Variants in CYP7B1 observed in about 807,000 individuals in gnomAD.
The protein encoded by CYP7B1 is cytochrome P450 family 7 subfamily B member 1.
In CYP7B1, 29 loss-of-function variants were observed where a neutral mutation model predicts 42.7. The observed-to-expected ratio is 0.68, with a 90% CI of 0.51 to 0.93. The LOEUF is 0.93. Ranked by LOEUF, CYP7B1 falls within the 40% of genes least tolerant of loss-of-function variation. The probability of loss-of-function intolerance (pLI) is 0.00; values close to 1 mark genes in which losing one functional copy is unlikely to be tolerated. For missense variants in CYP7B1, 655 were observed against 600.5 expected (o/e 1.09, Z -0.95); for synonymous variants, 235 against 218.2 (o/e 1.08, Z -0.68).
chr8:64,712,683 C>A (rs891131019), intron 1 of CYP7B1, among the ~76,000 whole-genome samples: 2 of 150,512 alleles, frequency 1.3e-5, no homozygotes, highest in Non-Finnish European at 3.0e-5. Flanking sequence ...TATATATTTT[C>A]TCCTCATTTT....
Position 64,596,896 on chromosome 8 carries a change from T to C in CYP7B1, c.1267A>G (p.Lys423Glu). The C allele has an allele frequency of 6.2e-7, 1 of 1,612,872 alleles. No individual in the cohort carries two copies. The highest frequency in any genetic ancestry group is 8.5e-7 in the Non-Finnish European group (1 of 1,179,072). ...FRYDRFIEDG[K>E]KKTTFFKRGK... ...CTTTTGAAAAAGGTGGTTTTCTTCT[T>C]ACCATCTTCTATAAAACGATCATAT... is the stretch of plus-strand genomic sequence containing the variant. The change falls in exon 6 of 6, where the codon AAG (lysine) becomes GAG (glutamate). Residue 423 changes from lysine (K) to glutamate (E), a missense_variant. Coordinates refer to ENST00000310193, the MANE Select transcript of CYP7B1 (RefSeq NM_004820.5).
chr8:64,775,776 C>A (rs1255403636), intron 1 of CYP7B1, among the ~76,000 whole-genome samples: 1 of 151,940 alleles, frequency 6.6e-6, no homozygotes, highest in East Asian at 1.9e-4. Context: ...AAGAAGGGTA[C>A]CATCATGAAG....
chr8:64,766,763 C>T (rs897542636), intron 1 of CYP7B1, among the ~76,000 whole-genome samples: 8 of 152,184 alleles, frequency 5.3e-5, no homozygotes, highest in African/African-American at 1.9e-4. Flanking sequence ...GAGTCAGAAG[C>T]CACTAACCAG....
At chr8:64,666,020 A>C (rs534159457) in intron 1 of CYP7B1, among the ~76,000 whole-genome samples, 2 of 152,348 alleles carry the variant, frequency 1.3e-5, no homozygotes, top group Admixed American at 1.3e-4. Context: ...TACTTTATAA[A>C]TGCATGCACT....
intron 1 of CYP7B1, among the ~76,000 whole-genome samples, chr8:64,684,085 C>T (rs1019674515): frequency 3.9e-5 from 6 of 152,188 alleles, no homozygotes; most frequent in Admixed American, 2.6e-4. Context: ...TGATCTGTCT[C>T]GTCCATTAGA....
At chr8:64,735,201 T>C (rs1454855665) in intron 1 of CYP7B1, among the ~76,000 whole-genome samples, 2 of 152,158 alleles carry the variant, frequency 1.3e-5, no homozygotes, top group African/African-American at 2.4e-5. Context: ...TATACAATAT[T>C]TTTTCTAAAA....
intron 1 of CYP7B1, among the ~76,000 whole-genome samples, chr8:64,663,123 G>A (rs1184907946): frequency 6.6e-6 from 1 of 152,054 alleles, no homozygotes; most frequent in Non-Finnish European, 1.5e-5. Flanking sequence ...ATGAACCTTT[G>A]TTTGATCTTC....
intron 1 of CYP7B1, chr8:64,727,901 A>C (rs1352619059): frequency 6.6e-6 from 1 of 152,224 alleles, no homozygotes; most frequent in African/African-American, 2.4e-5. Flanking sequence ...AATATACCTG[A>C]ATATTCAACA....
chr8:64,752,697 T>C (rs1196711468), intron 1 of CYP7B1, among the ~76,000 whole-genome samples: 1 of 152,232 alleles, frequency 6.6e-6, no homozygotes, highest in African/African-American at 2.4e-5. Flanking sequence ...TTTCTACATA[T>C]GTAAGTCTAT....
chr8:64,679,812 A>G (rs1171340245), intron 1 of CYP7B1, among the ~76,000 whole-genome samples: 1 of 152,246 alleles, frequency 6.6e-6, no homozygotes, highest in Non-Finnish European at 1.5e-5. Context: ...TGAAACCATC[A>G]TAACAATTAA....
intron 1 of CYP7B1, among the ~76,000 whole-genome samples, chr8:64,684,632 G>A (rs967526945): frequency 6.6e-6 from 1 of 152,210 alleles, no homozygotes; most frequent in Non-Finnish European, 1.5e-5. Context: ...CAAAGATGAT[G>A]TCACTCAAAT....
intron 1 of CYP7B1, among the ~76,000 whole-genome samples, chr8:64,631,340 C>T (rs1419474884): frequency 6.6e-6 from 1 of 152,068 alleles, no homozygotes; most frequent in Non-Finnish European, 1.5e-5. Context: ...AAAAAATCAT[C>T]TGCTCATATC....
At chr8:64,752,486 T>C (rs1418368445) in intron 1 of CYP7B1, among the ~76,000 whole-genome samples, 2 of 152,074 alleles carry the variant, frequency 1.3e-5, no homozygotes, top group African/African-American at 2.4e-5. Context: ...TGCTCTCCGA[T>C]GTATCTCTGC....
intron 1 of CYP7B1, among the ~76,000 whole-genome samples, chr8:64,715,633 A>G (rs1373165467): frequency 6.6e-6 from 1 of 152,054 alleles, no homozygotes; most frequent in Non-Finnish European, 1.5e-5. Context: ...TATCACTTTG[A>G]TTTTAGCAAA....
At chr8:64,798,075 T>C (rs1300303536) in intron 1 of CYP7B1, among the ~76,000 whole-genome samples, 2 of 152,228 alleles carry the variant, frequency 1.3e-5, no homozygotes, top group Non-Finnish European at 2.9e-5. Context: ...GGCATTTTCT[T>C]GAAACAGTTC....
At chr8:64,698,993 A>C (rs1806873828) in intron 1 of CYP7B1, among the ~76,000 whole-genome samples, 1 of 152,178 alleles carries the variant, frequency 6.6e-6, no homozygotes, top group Admixed American at 6.6e-5. Flanking sequence ...ACAGAATTTT[A>C]AATTTCAGCC....
Position 64,592,092 on chromosome 8 carries a change from A to C in CYP7B1, c.*4550T>G, listed in dbSNP as rs1805044939. Among the ~76,000 whole-genome samples the C allele has an allele frequency of 6.6e-6, 1 of 151,952 alleles. No homozygotes were observed. The highest frequency in any genetic ancestry group is 1.5e-5 in the Non-Finnish European group (1 of 67,954). ...AGTCCCAGCTACTCGGAGGGCTGAG[A>C]CAAGGGAATTGCTTGAACCCAGGAA... On this transcript the variant is annotated 3_prime_UTR_variant, in exon 6 of 6. Transcript: ENST00000310193.
chr8:64,617,427 T>A (rs1805465013), intron 2 of CYP7B1, among the ~76,000 whole-genome samples: 2 of 152,178 alleles, frequency 1.3e-5, no homozygotes, highest in Non-Finnish European at 2.9e-5. Context: ...AGTCAAGAGA[T>A]GTTACGGGTC....
intron 1 of CYP7B1, among the ~76,000 whole-genome samples, chr8:64,676,451 C>A (rs1403473837): frequency 6.6e-6 from 1 of 152,064 alleles, no homozygotes; most frequent in Non-Finnish European, 1.5e-5. Context: ...GGGTTTTATA[C>A]ACTGTGAGAC....
Sources: allele counts gnomAD v4.1 joint callset (sites outside exome capture counted in the v4.1 genomes callset), GRCh38; gene constraint gnomAD v4.1.1; transcripts MANE v1.5; gene names NCBI Gene and HGNC (gene_info 2026-07-23, HGNC 2026-07-21).